The following ACVR1 variants were observed in gnomAD, a reference collection of about 807,000 sequenced individuals.
ACVR1 encodes the protein activin receptor type-1.
Under a neutral mutation model 57.1 loss-of-function variants are expected in ACVR1, and 38 were observed. The ratio of observed to expected loss-of-function variants is 0.67; its 90% CI spans 0.51 to 0.87. The LOEUF is 0.87. Among genes scored for constraint, ACVR1 ranks in the 40% least tolerant of loss-of-function variants. The probability of loss-of-function intolerance (pLI) is 0.00; values close to 1 mark genes in which losing one functional copy is unlikely to be tolerated. For synonymous variants in ACVR1, 212 were observed against 228.1 expected, an observed-to-expected ratio of 0.93 and a Z score of 0.63; for missense variants, 463 against 638.2, an observed-to-expected ratio of 0.73 and a Z score of 2.96.
At chr2:157,808,997 G>A (rs745763327) in intron 2 of ACVR1, among the ~76,000 whole-genome samples, 6 of 152,012 alleles carry the variant, frequency 3.9e-5, no homozygotes, top group Non-Finnish European at 7.4e-5. Context: ...AAGAACCCTG[G>A]TCTTTACAAA....
At chr2:157,855,268 AAGTGTGTGTGTGT>A (rs1160246749) in intron 1 of ACVR1, among the ~76,000 whole-genome samples, 5 of 107,150 alleles carry the variant, frequency 4.7e-5, no homozygotes, top group South Asian at 7.5e-4. Context: ...AAAAAAAAAA[AAGTGTGTGTGTGT>A]GTGTGTGTGT....
intron 1 of ACVR1, among the ~76,000 whole-genome samples, chr2:157,850,388 CAA>C (rs745600769): frequency 5.5e-5 from 7 of 126,898 alleles, no homozygotes; most frequent in Non-Finnish European, 5.1e-5. Flanking sequence ...GACTCAGTCT[CAA>C]AAAAAAAAAA....
At chr2:157,816,952 G>T (rs375801632) in intron 2 of ACVR1, among the ~76,000 whole-genome samples, 2 of 151,774 alleles carry the variant, frequency 1.3e-5, no homozygotes, top group East Asian at 1.9e-4. Flanking sequence ...TTTCATCCTG[G>T]ATAGCGAGAC....
At chr2:157,739,363 C>A (rs1006001779) in intron 9 of ACVR1, among the ~76,000 whole-genome samples, 1 of 152,324 alleles carries the variant, frequency 6.6e-6, no homozygotes, top group Non-Finnish European at 1.5e-5. Flanking sequence ...TCTGCCCCTG[C>A]ATGATTTCCA....
At chr2:157,827,687 G>C (rs1376477408) in intron 1 of ACVR1, among the ~76,000 whole-genome samples, 2 of 152,138 alleles carry the variant, frequency 1.3e-5, no homozygotes, top group Non-Finnish European at 2.9e-5. Context: ...AGGCAACTCT[G>C]GGTCTACCGC....
intron 1 of ACVR1, among the ~76,000 whole-genome samples, chr2:157,854,188 C>A (rs1181833461): frequency 1.4e-5 from 2 of 145,040 alleles, no homozygotes; most frequent in Non-Finnish European, 3.0e-5. Context: ...ATCAATCAGA[C>A]CCTAAAGGAG....
At chr2:157,762,778 G>A (rs1016955956) in intron 8 of ACVR1, among the ~76,000 whole-genome samples, 5 of 152,148 alleles carry the variant, frequency 3.3e-5, no homozygotes, top group Non-Finnish European at 7.3e-5. Flanking sequence ...AGCTCACCAT[G>A]CACCATGTTA....
chr2:157,738,626 A>C (rs751854403), intron 9 of ACVR1, 56 bp from the exon 10 acceptor site: 11 of 1,613,322 alleles, frequency 6.8e-6, no homozygotes, highest in Non-Finnish European at 9.3e-6. Flanking sequence ...GGTTGCCCCA[A>C]GGTTTCATTG....
intron 9 of ACVR1, among the ~76,000 whole-genome samples, chr2:157,757,706 C>T (rs1365070790): frequency 6.6e-6 from 1 of 151,872 alleles, no homozygotes; most frequent in African/African-American, 2.4e-5. Context: ...TAAACAAAAA[C>T]TGAGGGAATT....
chr2:157,813,770 A>C (rs1446258106), intron 2 of ACVR1, among the ~76,000 whole-genome samples: 2 of 152,202 alleles, frequency 1.3e-5, no homozygotes, highest in African/African-American at 4.8e-5. Flanking sequence ...TGTTCTTTGA[A>C]CCATAGCATA....
intron 2 of ACVR1, among the ~76,000 whole-genome samples, chr2:157,810,360 G>A (rs1390280763): frequency 6.6e-6 from 1 of 152,162 alleles, no homozygotes; most frequent in African/African-American, 2.4e-5. Flanking sequence ...ACATGATGGG[G>A]GACAGGTGGC....
At chr2:157,859,119 A>C (rs1210919525) in intron 1 of ACVR1, among the ~76,000 whole-genome samples, 1 of 152,216 alleles carries the variant, frequency 6.6e-6, no homozygotes, top group Non-Finnish European at 1.5e-5. Flanking sequence ...ATTCCGAGAC[A>C]GTTAGGCATT....
At chr2:157,777,244 A>G (rs1035281220) in intron 5 of ACVR1, among the ~76,000 whole-genome samples, 3 of 152,228 alleles carry the variant, frequency 2.0e-5, no homozygotes, top group Non-Finnish European at 2.9e-5. Context: ...ATGCAAAAGA[A>G]TAATTTTTTA....
At chr2:157,851,534 G>A (rs1373370279) in intron 1 of ACVR1, among the ~76,000 whole-genome samples, 1 of 152,082 alleles carries the variant, frequency 6.6e-6, no homozygotes, top group Admixed American at 6.6e-5. Context: ...TATTAGGGGT[G>A]AATATGACAG....
intron 9 of ACVR1, among the ~76,000 whole-genome samples, chr2:157,739,661 T>C (rs1684677590): frequency 6.6e-6 from 1 of 152,230 alleles, no homozygotes. Context: ...TCGGTTGTTC[T>C]AGTTCCTACA....
intron 9 of ACVR1, among the ~76,000 whole-genome samples, chr2:157,749,981 C>T (rs1685119561): frequency 6.6e-6 from 1 of 152,246 alleles, no homozygotes; most frequent in South Asian, 2.1e-4. Flanking sequence ...CAGCCTGCTG[C>T]CACCACTGGT....
chr2:157,844,547 G>C (rs1376490725), intron 1 of ACVR1, among the ~76,000 whole-genome samples: 1 of 152,104 alleles, frequency 6.6e-6, no homozygotes, highest in Non-Finnish European at 1.5e-5. Context: ...GATATTTCAA[G>C]TTAAAATTCT....
intron 9 of ACVR1, among the ~76,000 whole-genome samples, chr2:157,755,114 G>A (rs1685372016): frequency 6.6e-6 from 1 of 152,068 alleles, no homozygotes; most frequent in Non-Finnish European, 1.5e-5. Flanking sequence ...ATACCTCAAT[G>A]TAATAAAAGT....
intron 1 of ACVR1, among the ~76,000 whole-genome samples, chr2:157,873,497 C>A (rs1357811107): frequency 6.6e-6 from 1 of 152,160 alleles, no homozygotes; most frequent in Non-Finnish European, 1.5e-5. Context: ...GGCATGAGAT[C>A]GCTTCACATA....
Sources: allele counts gnomAD v4.1 joint callset (sites outside exome capture counted in the v4.1 genomes callset), GRCh38; gene constraint gnomAD v4.1.1; transcripts MANE v1.5; gene names NCBI Gene and HGNC (gene_info 2026-07-23, HGNC 2026-07-21).